The following ZRANB3 variants were observed in gnomAD, a reference collection of about 807,000 sequenced individuals.
ZRANB3 encodes DNA annealing helicase and endonuclease ZRANB3.
ZRANB3 carries 125 observed loss-of-function variants against 133.8 expected under a neutral mutation model. The observed-to-expected ratio is 0.93, with a 90% confidence interval of 0.81 to 1.08. ZRANB3 has a LOEUF of 1.08. Ranked by LOEUF, ZRANB3 falls within the 50% of genes least tolerant of loss-of-function variation. The pLI is 0.00. For synonymous variants in ZRANB3, 387 were observed against 432.7 expected, an observed-to-expected ratio of 0.89 and a Z score of 1.31; for missense variants, 1,229 against 1,275.5, an observed-to-expected ratio of 0.96 and a Z score of 0.56.
At chr2:135,265,890 C>A (rs1360011623) in intron 11 of ZRANB3, among the ~76,000 whole-genome samples, 1 of 152,180 alleles carries the variant, frequency 6.6e-6, no homozygotes, top group Non-Finnish European at 1.5e-5. Flanking sequence ...ATGGATTCCT[C>A]CTCTTGGCCA....
intron 13 of ZRANB3, among the ~76,000 whole-genome samples, chr2:135,229,344 C>T (rs1426428772): frequency 6.6e-6 from 1 of 151,606 alleles, no homozygotes; most frequent in African/African-American, 2.4e-5. Context: ...TATATCTTAG[C>T]TGAGTCTTTG....
At chr2:135,275,059 A>G (rs1680723249) in intron 9 of ZRANB3, among the ~76,000 whole-genome samples, 1 of 152,236 alleles carries the variant, frequency 6.6e-6, no homozygotes, top group African/African-American at 2.4e-5. Flanking sequence ...TGATTTCTCT[A>G]TCTTTTCCCC....
At chr2:135,511,734 G>C (rs1437784972) in intron 1 of ZRANB3, 2 of 765,020 alleles carry the variant, frequency 2.6e-6, no homozygotes, top group African/African-American at 3.4e-5. Context: ...GGCAGTTGCT[G>C]AAGTTTCGTG....
rs1201924191 is a variant in ZRANB3 at position 135,275,201 on chromosome 2, C to T, written c.1086+435G>A. Among the ~76,000 whole-genome samples the T allele has an allele frequency of 6.4e-4, 96 of 150,762 alleles. No homozygotes were observed. In the Middle Eastern group the frequency reaches 0.01, roughly 16 times the overall value. On this transcript the variant is annotated intron_variant, in intron 9 of 20. Transcript: ENST00000264159. ...CTCCTCACTTCCCAGAAGGGGCGGC[C>T]GGGCAGAGGCGCCCCCCACCTCCCG...
At chr2:135,260,832 A>C (rs1397195489) in intron 12 of ZRANB3, among the ~76,000 whole-genome samples, 1 of 145,210 alleles carries the variant, frequency 6.9e-6, no homozygotes, top group Non-Finnish European at 1.5e-5. Context: ...TATATATTCT[A>C]TATATATACT....
intron 3 of ZRANB3, among the ~76,000 whole-genome samples, chr2:135,374,505 T>C (rs1441376864): frequency 1.3e-5 from 2 of 151,156 alleles, no homozygotes; most frequent in African/African-American, 4.8e-5. Flanking sequence ...ACATATCTTT[T>C]TTTTTTTTTT....
chr2:135,216,995 C>T (rs556511793), intron 17 of ZRANB3, among the ~76,000 whole-genome samples: 1 of 152,312 alleles, frequency 6.6e-6, no homozygotes, highest in East Asian at 1.9e-4. Flanking sequence ...TATTTCATTT[C>T]CAATCATGGA....
At chr2:135,297,244 C>T (rs1052786747) in intron 8 of ZRANB3, among the ~76,000 whole-genome samples, 2 of 152,344 alleles carry the variant, frequency 1.3e-5, no homozygotes, top group South Asian at 4.1e-4. Flanking sequence ...GCTTCCCGGC[C>T]ACTTTGTTTA....
intron 12 of ZRANB3, among the ~76,000 whole-genome samples, chr2:135,245,945 A>AAAAAAAAAAAAAAAAG (rs1437529464): frequency 6.8e-6 from 1 of 146,574 alleles, no homozygotes; most frequent in Non-Finnish European, 1.5e-5. Flanking sequence ...AAAAAAAAAA[A>AAAAAAAAAAAAAAAAG]AAAGAGACAG....
chr2:135,203,251 T>C (rs1693698211), intron 19 of ZRANB3, among the ~76,000 whole-genome samples: 1 of 151,928 alleles, frequency 6.6e-6, no homozygotes, highest in Non-Finnish European at 1.5e-5. Context: ...GAAAAACTGG[T>C]TTTTCTACAC....
Position 135,208,810 on chromosome 2 carries a change from C to T in ZRANB3, c.2606+58G>A, listed in dbSNP as rs1052844812. On this transcript the variant is annotated intron_variant, in intron 18 of 20. Transcript: ENST00000264159. ...TGAGATATTATTATGAAAATCAATA[C>T]ATAAATGTAAAGGAGTGGAATTAGT... 4.9e-6 allele frequency: 7 copies of T among 1,417,336 alleles called. No individual in the cohort carries two copies. The African/African-American group carries it at 5.7e-5, about 11-fold the overall frequency. 87.8% of individuals were successfully genotyped at this position (1,417,336 alleles called of 1,614,324 possible).
chr2:135,254,521 G>A (rs1408757035), intron 12 of ZRANB3, among the ~76,000 whole-genome samples: 2 of 152,050 alleles, frequency 1.3e-5, no homozygotes, highest in Non-Finnish European at 2.9e-5. Flanking sequence ...GCTGAGGCGG[G>A]AGAATCACTT....
At chr2:135,417,785 A>T (rs1176994924) in intron 2 of ZRANB3, among the ~76,000 whole-genome samples, 1 of 152,236 alleles carries the variant, frequency 6.6e-6, no homozygotes, top group East Asian at 1.9e-4. Flanking sequence ...GCAGCCATAA[A>T]AAGTGATGAG....
At chr2:135,504,544 A>C in intron 1 of ZRANB3, 48 bp from the exon 2 acceptor site, 1 of 1,481,402 alleles carries the variant, frequency 6.8e-7, no homozygotes, top group Non-Finnish European at 9.1e-7. Context: ...AGAAATAGAT[A>C]TTACTAAGTA....
At chr2:135,255,519 T>C (rs1380628855) in intron 12 of ZRANB3, among the ~76,000 whole-genome samples, 2 of 152,210 alleles carry the variant, frequency 1.3e-5, no homozygotes, top group African/African-American at 2.4e-5. Context: ...TTCTAGTTCA[T>C]AAACAGGATG....
At chr2:135,506,206 C>G (rs186373746) in intron 1 of ZRANB3, among the ~76,000 whole-genome samples, 1 of 151,988 alleles carries the variant, frequency 6.6e-6, no homozygotes, top group African/African-American at 2.4e-5. Context: ...GCCTGGTCAA[C>G]GTGGCGAAAC....
Position 135,511,003 on chromosome 2 carries a change from T to C in ZRANB3, c.-7-6507A>G, listed in dbSNP as rs553129142. The C allele has an allele frequency of 5.4e-5, 42 of 782,816 alleles. No homozygotes were observed. The African/African-American group carries it at 5.9e-4, about 11-fold the overall frequency. The allele number at this position is 782,816 out of a possible 1,614,324, so 48.5% of individuals were successfully genotyped here. A position where few individuals can be genotyped will look rare whatever the true frequency, so the allele number is the denominator to read the frequency against. On this transcript the variant is annotated intron_variant, in intron 1 of 20. Transcript: ENST00000264159. ...GCCTCACAGATCGGTCTGGGTCCCC[T>C]TTGGGGAGGAATATTTCTTCGTTGT...
chr2:135,345,502 C>A, intron 6 of ZRANB3, 48 bp downstream of exon 6: 2 of 1,304,546 alleles, frequency 1.5e-6, no homozygotes, highest in South Asian at 2.6e-5. Flanking sequence ...AAGCAATGTT[C>A]ACAGTAAACA....
intron 12 of ZRANB3, among the ~76,000 whole-genome samples, chr2:135,236,028 T>G (rs549210720): frequency 1.1e-3 from 174 of 152,232 alleles, no homozygotes; most frequent in Middle Eastern, 6.8e-3. Flanking sequence ...TGATTATATA[T>G]CTAGAAAACC....
Sources: allele counts gnomAD v4.1 joint callset (sites outside exome capture counted in the v4.1 genomes callset), GRCh38; gene constraint gnomAD v4.1.1; transcripts MANE v1.5; gene names NCBI Gene and HGNC (gene_info 2026-07-23, HGNC 2026-07-21).